HS6ST3: variants seen among roughly 807,000 people sequenced by gnomAD.
The protein encoded by HS6ST3 is heparan sulfate 6-O-sulfotransferase 3.
In HS6ST3, 12 loss-of-function variants were observed where a neutral mutation model predicts 36.7. The observed-to-expected ratio is 0.33, with a 90% CI of 0.21 to 0.53. The LOEUF (loss-of-function observed/expected upper bound fraction) is 0.53. Ranked by LOEUF, HS6ST3 falls within the 20% of genes least tolerant of loss-of-function variation. The probability of loss-of-function intolerance (pLI) is 0.95; values close to 1 mark genes in which losing one functional copy is unlikely to be tolerated. For missense variants in HS6ST3, 584 were observed against 640.9 expected (o/e 0.91, Z 0.96); for synonymous variants, 240 against 257.5 (o/e 0.93, Z 0.65).
At chr13:96,517,365 G>A (rs2056076691) in intron 1 of HS6ST3, among the ~76,000 whole-genome samples, 5 of 152,174 alleles carry the variant, frequency 3.3e-5, no homozygotes, top group African/African-American at 1.2e-4. Flanking sequence ...AGGCAACAGA[G>A]CAAGACCCTG....
At chr13:96,387,884 T>C (rs1240075968) in intron 1 of HS6ST3, among the ~76,000 whole-genome samples, 2 of 152,182 alleles carry the variant, frequency 1.3e-5, no homozygotes, top group Non-Finnish European at 2.9e-5. Context: ...CAGGGGCCAT[T>C]TGCAGGTGAC....
intron 1 of HS6ST3, among the ~76,000 whole-genome samples, chr13:96,280,446 T>C (rs2139393460): frequency 1.3e-5 from 2 of 152,286 alleles, no homozygotes; most frequent in Admixed American, 1.3e-4. Context: ...AATTGAGTGA[T>C]TGCCTTCAAT....
chr13:96,492,495 A>T (rs895334783), intron 1 of HS6ST3, among the ~76,000 whole-genome samples: 63 of 152,308 alleles, frequency 4.1e-4, no homozygotes, highest in East Asian at 5.8e-4. Context: ...TAGTAATTTG[A>T]GTACTTTGCC....
chr13:96,790,809 A>G (rs1242965725), intron 1 of HS6ST3, among the ~76,000 whole-genome samples: 1 of 152,056 alleles, frequency 6.6e-6, no homozygotes, highest in Non-Finnish European at 1.5e-5. Flanking sequence ...CTAAGATTCA[A>G]ATGCCCAGCC....
intron 1 of HS6ST3, among the ~76,000 whole-genome samples, chr13:96,313,457 G>C (rs1013338518): frequency 5.3e-5 from 8 of 151,678 alleles, no homozygotes; most frequent in African/African-American, 1.9e-4. Flanking sequence ...CCTCCCTTTG[G>C]ATTTCCCCAT....
At chr13:96,222,669 C>G (rs372801998) in intron 1 of HS6ST3, among the ~76,000 whole-genome samples, 6 of 152,306 alleles carry the variant, frequency 3.9e-5, no homozygotes, top group African/African-American at 1.4e-4. Flanking sequence ...ACAGCTGAAT[C>G]AGAAATGGAA....
chr13:96,825,017 G>A (rs1293374655), intron 1 of HS6ST3, among the ~76,000 whole-genome samples: 1 of 152,198 alleles, frequency 6.6e-6, no homozygotes, highest in Non-Finnish European at 1.5e-5. Context: ...CTCTGGTTTT[G>A]TGGGGCAATG....
At chr13:96,573,705 A>G (rs896252747) in intron 1 of HS6ST3, 1 of 290,858 alleles carries the variant, frequency 3.4e-6, no homozygotes, top group Non-Finnish European at 6.5e-6. Context: ...ATTATCTGGA[A>G]GTGAAACACA....
chr13:96,723,732 A>G (rs906263443), intron 1 of HS6ST3, among the ~76,000 whole-genome samples: 8 of 151,956 alleles, frequency 5.3e-5, no homozygotes, highest in African/African-American at 1.9e-4. Context: ...CTCTTTCTCT[A>G]CCCTTCAACA....
At chr13:96,640,792 A>C (rs569243670) in intron 1 of HS6ST3, among the ~76,000 whole-genome samples, 2 of 152,150 alleles carry the variant, frequency 1.3e-5, no homozygotes, top group South Asian at 2.1e-4. Flanking sequence ...CAGTTATCCC[A>C]GCACCATTTA....
chr13:96,783,525 T>TG (rs1877573657), intron 1 of HS6ST3, among the ~76,000 whole-genome samples: 1 of 152,092 alleles, frequency 6.6e-6, no homozygotes, highest in Admixed American at 6.6e-5. Context: ...CTGATTACTG[T>TG]GGTCCTCTCC....
intron 1 of HS6ST3, among the ~76,000 whole-genome samples, chr13:96,407,932 T>A (rs1055268514): frequency 1.3e-5 from 2 of 152,086 alleles, no homozygotes; most frequent in Admixed American, 1.3e-4. Flanking sequence ...ATATTCAGGA[T>A]TTTTAGCGTT....
intron 1 of HS6ST3, among the ~76,000 whole-genome samples, chr13:96,752,178 T>C (rs1566445177): frequency 6.6e-6 from 1 of 152,226 alleles, no homozygotes; most frequent in African/African-American, 2.4e-5. Context: ...TCATTTCAGA[T>C]ATGCTGGTAT....
chr13:96,659,273 A>G (rs752172843), intron 1 of HS6ST3, among the ~76,000 whole-genome samples: 2 of 152,210 alleles, frequency 1.3e-5, no homozygotes, highest in African/African-American at 2.4e-5. Context: ...GTGATTGATT[A>G]CATTGATATT....
At chr13:96,407,162 CTT>C (rs1359116615) in intron 1 of HS6ST3, among the ~76,000 whole-genome samples, 5 of 152,166 alleles carry the variant, frequency 3.3e-5, no homozygotes, top group Non-Finnish European at 7.4e-5. Context: ...AATGTTGAAA[CTT>C]AAAGTATTCT....
At chr13:96,784,123 A>G (rs1238678684) in intron 1 of HS6ST3, among the ~76,000 whole-genome samples, 1 of 151,678 alleles carries the variant, frequency 6.6e-6, no homozygotes, top group Non-Finnish European at 1.5e-5. Flanking sequence ...GAACTTTGAT[A>G]TAAATAAATA....
intron 1 of HS6ST3, among the ~76,000 whole-genome samples, chr13:96,419,258 A>G (rs1297753940): frequency 6.6e-6 from 1 of 152,232 alleles, no homozygotes; most frequent in Non-Finnish European, 1.5e-5. Flanking sequence ...TTTCCGTTTT[A>G]ATGTGAAACC....
chr13:96,593,395 C>G (rs1167839761), intron 1 of HS6ST3, among the ~76,000 whole-genome samples: 2 of 150,984 alleles, frequency 1.3e-5, no homozygotes, highest in African/African-American at 4.9e-5. Context: ...GGGGTGTTTC[C>G]CTGTTGGCCA....
At chr13:96,533,483 G>C (rs1209003903) in intron 1 of HS6ST3, among the ~76,000 whole-genome samples, 1 of 152,170 alleles carries the variant, frequency 6.6e-6, no homozygotes, top group Non-Finnish European at 1.5e-5. Flanking sequence ...GTGAAATACA[G>C]AAGTCTATTG....
Sources: gnomAD v4.1 joint callset for allele counts (sites outside exome capture counted in the v4.1 genomes callset) on GRCh38, gnomAD v4.1.1 for gene constraint, MANE v1.5 for transcripts, NCBI Gene and HGNC (gene_info 2026-07-23, HGNC 2026-07-21) for gene names.